PTPRR: variants seen among roughly 807,000 people sequenced by gnomAD.
PTPRR encodes the protein receptor-type tyrosine-protein phosphatase R.
In PTPRR, 38 loss-of-function variants were observed where a neutral mutation model predicts 77.2. The ratio of observed to expected loss-of-function variants is 0.49; its 90% confidence interval spans 0.38 to 0.65. The LOEUF (loss-of-function observed/expected upper bound fraction) is 0.65, where lower values mean the gene tolerates loss of function less well. Among genes scored for constraint, PTPRR ranks in the 30% least tolerant of loss-of-function variants. The pLI, the probability that PTPRR is intolerant of heterozygous loss-of-function variation, is 0.00. For synonymous variants in PTPRR, 299 were observed against 283.1 expected, an observed-to-expected ratio of 1.06 and a Z score of -0.57; for missense variants, 744 against 799.2, an observed-to-expected ratio of 0.93 and a Z score of 0.83.
chr12:70,713,069 G>T (rs1404146202), intron 6 of PTPRR, among the ~76,000 whole-genome samples: 1 of 152,072 alleles, frequency 6.6e-6, no homozygotes, highest in Non-Finnish European at 1.5e-5. Flanking sequence ...CCAGGCTCTA[G>T]AAACCACTAA....
intron 6 of PTPRR, among the ~76,000 whole-genome samples, chr12:70,725,512 T>A (rs1889400825): frequency 1.3e-5 from 2 of 152,160 alleles, no homozygotes; most frequent in African/African-American, 4.8e-5. Flanking sequence ...CCCCAATGTA[T>A]TAAGTTCTTG....
intron 2 of PTPRR, among the ~76,000 whole-genome samples, chr12:70,846,229 G>C (rs61373716): frequency 6.6e-6 from 1 of 152,016 alleles, no homozygotes; most frequent in Admixed American, 6.6e-5. Context: ...CACTAGCTAC[G>C]GACCAGAAAA....
At chr12:70,815,326 A>T (rs898301830) in intron 2 of PTPRR, among the ~76,000 whole-genome samples, 2 of 152,130 alleles carry the variant, frequency 1.3e-5, no homozygotes, top group Admixed American at 1.3e-4. Context: ...ACAAAGCCTC[A>T]GTTAGTTGTG....
chr12:70,813,028 T>A (rs913353224), intron 2 of PTPRR, among the ~76,000 whole-genome samples: 4 of 152,232 alleles, frequency 2.6e-5, no homozygotes, highest in African/African-American at 9.6e-5. Context: ...CCGACATAAT[T>A]TGCTATACTT....
At chr12:70,873,188 A>C (rs1394933034) in intron 2 of PTPRR, among the ~76,000 whole-genome samples, 2 of 152,140 alleles carry the variant, frequency 1.3e-5, no homozygotes. Flanking sequence ...AGTAGTTTAT[A>C]AATTTGGAGA....
rs1267912376 is a variant in PTPRR at position 70,821,822 on chromosome 12, G to A, written c.358-57044C>T. Among the ~76,000 whole-genome samples the A allele has an allele frequency of 3.9e-5, 6 of 152,028 alleles. No individual in the cohort carries two copies. The South Asian group carries it at 1.0e-3, about 26-fold the overall frequency. ...TGGGACTACAGGCGCCCGCCACCACGCCTGCCTAATTTTTTGTATTTTTAG... is the reference window on the plus strand; with the variant it reads ...TGGGACTACAGGCGCCCGCCACCACACCTGCCTAATTTTTTGTATTTTTAG... On this transcript the variant is annotated intron_variant, in intron 2 of 13. Transcript: ENST00000283228.
intron 5 of PTPRR, 105 bp from the exon 6 acceptor site, chr12:70,746,191 C>A: frequency 9.1e-7 from 1 of 1,097,920 alleles, no homozygotes; most frequent in Non-Finnish European, 1.3e-6. Context: ...AAAGGCTTAA[C>A]GATAAAGTAA....
chr12:70,901,539 G>A (rs749570952), intron 1 of PTPRR, among the ~76,000 whole-genome samples: 1 of 151,662 alleles, frequency 6.6e-6, no homozygotes, highest in African/African-American at 2.4e-5. Context: ...GTGGTGCTGG[G>A]ATCATTGGCT....
At chr12:70,714,505 T>C (rs1004488771) in intron 6 of PTPRR, among the ~76,000 whole-genome samples, 2 of 152,180 alleles carry the variant, frequency 1.3e-5, no homozygotes, top group African/African-American at 2.4e-5. Context: ...CTTTACATTA[T>C]ATATTGGAAA....
chr12:70,742,139 C>T (rs1422946216), intron 6 of PTPRR, among the ~76,000 whole-genome samples: 3 of 152,074 alleles, frequency 2.0e-5, no homozygotes, highest in African/African-American at 7.2e-5. Flanking sequence ...ACAATGTGCA[C>T]AGATGACATC....
intron 2 of PTPRR, among the ~76,000 whole-genome samples, chr12:70,795,051 C>A (rs1398468264): frequency 1.3e-5 from 2 of 152,058 alleles, no homozygotes; most frequent in Admixed American, 1.3e-4. Flanking sequence ...AGATTATAAT[C>A]TCTGTTATAA....
intron 2 of PTPRR, among the ~76,000 whole-genome samples, chr12:70,776,194 T>A (rs1367749646): frequency 6.6e-6 from 1 of 152,150 alleles, no homozygotes; most frequent in Non-Finnish European, 1.5e-5. Context: ...TTGGGTATCA[T>A]CCCGACTCTT....
intron 1 of PTPRR, among the ~76,000 whole-genome samples, chr12:70,909,439 T>C (rs1893669083): frequency 6.6e-6 from 1 of 152,164 alleles, no homozygotes; most frequent in Non-Finnish European, 1.5e-5. Flanking sequence ...AATGTACCTA[T>C]AGTCAGGGAC....
chr12:70,672,618 G>T, intron 10 of PTPRR: 1 of 1,498,332 alleles, frequency 6.7e-7, no homozygotes, highest in Non-Finnish European at 9.2e-7. Flanking sequence ...ACATCTTAAA[G>T]ACCTGCTGCC....
chr12:70,807,979 A>T (rs945030929), intron 2 of PTPRR, among the ~76,000 whole-genome samples: 4 of 152,300 alleles, frequency 2.6e-5, no homozygotes, highest in Middle Eastern at 6.8e-3. Context: ...GGACAGAGCC[A>T]TATTTCTCTT....
chr12:70,806,727 G>A (rs552886891), intron 2 of PTPRR, among the ~76,000 whole-genome samples: 2 of 152,150 alleles, frequency 1.3e-5, no homozygotes, highest in Non-Finnish European at 2.9e-5. Flanking sequence ...GTTCGGAATC[G>A]TAGTTCCCAT....
At chr12:70,837,728 T>C (rs1218552395) in intron 2 of PTPRR, among the ~76,000 whole-genome samples, 1 of 152,092 alleles carries the variant, frequency 6.6e-6, no homozygotes, top group Non-Finnish European at 1.5e-5. Context: ...GAGGCTTCAT[T>C]ACAAAGGCAT....
chr12:70,697,474 C>A (rs1477266336), intron 8 of PTPRR, among the ~76,000 whole-genome samples: 1 of 152,128 alleles, frequency 6.6e-6, no homozygotes, highest in African/African-American at 2.4e-5. Flanking sequence ...TTATTAGATA[C>A]ATGATTTGCA....
At chr12:70,811,524 C>T (rs766356299) in intron 2 of PTPRR, among the ~76,000 whole-genome samples, 37 of 152,190 alleles carry the variant, frequency 2.4e-4, no homozygotes, top group Non-Finnish European at 5.3e-4. Context: ...TAGGTAGAGG[C>T]AGGCCTCCAT....
Sources: gnomAD v4.1 joint callset for allele counts (sites outside exome capture counted in the v4.1 genomes callset) on GRCh38, gnomAD v4.1.1 for gene constraint, MANE v1.5 for transcripts, NCBI Gene and HGNC (gene_info 2026-07-23, HGNC 2026-07-21) for gene names.